Variants in CCDC171 observed in about 807,000 individuals in gnomAD.
CCDC171 encodes coiled-coil domain-containing protein 171.
Under a neutral mutation model 168.2 loss-of-function variants are expected in CCDC171, and 177 were observed. That is an observed-to-expected ratio of 1.05 (90% CI 0.93 to 1.19). The LOEUF is 1.19. Among genes scored for constraint, CCDC171 ranks in the 50% most tolerant of loss-of-function variants. The probability of loss-of-function intolerance (pLI) is 0.00; values close to 1 mark genes in which losing one functional copy is unlikely to be tolerated. For synonymous variants in CCDC171, 687 were observed against 540.8 expected (o/e 1.27, Z -3.75); for missense variants, 1,991 against 1,539.0 (o/e 1.29, Z -4.91).
intron 8 of CCDC171, among the ~76,000 whole-genome samples, chr9:15,663,265 C>T (rs796133624): frequency 6.6e-6 from 1 of 152,146 alleles, no homozygotes; most frequent in African/African-American, 2.4e-5. Context: ...TTCTAAAGCC[C>T]ATTTTCTGTC....
intron 25 of CCDC171, among the ~76,000 whole-genome samples, chr9:15,935,441 C>A (rs2132209501): frequency 6.6e-6 from 1 of 152,146 alleles, no homozygotes; most frequent in Non-Finnish European, 1.5e-5. Context: ...CTTTAAAATT[C>A]TTCAATTGAA....
intron 11 of CCDC171, among the ~76,000 whole-genome samples, chr9:15,720,828 A>C (rs1320657044): frequency 6.6e-6 from 1 of 152,076 alleles, no homozygotes; most frequent in African/African-American, 2.4e-5. Context: ...TCCTAATGCT[A>C]TCCCTCCTCC....
chr9:15,861,319 T>C (rs564331495), intron 23 of CCDC171, among the ~76,000 whole-genome samples: 1 of 151,906 alleles, frequency 6.6e-6, no homozygotes, highest in South Asian at 2.1e-4. Flanking sequence ...AAGTAATTAC[T>C]GATAGGAAAT....
At chr9:15,577,562 A>T (rs377609807) in intron 3 of CCDC171, among the ~76,000 whole-genome samples, 73 of 152,320 alleles carry the variant, frequency 4.8e-4, no homozygotes, top group African/African-American at 1.7e-3. Flanking sequence ...CCAATATTAT[A>T]AACCCATCTT....
intron 21 of CCDC171, among the ~76,000 whole-genome samples, chr9:15,825,345 A>AGG (rs2059967362): frequency 6.6e-6 from 1 of 152,180 alleles, no homozygotes; most frequent in African/African-American, 2.4e-5. Flanking sequence ...GAAGGGAAAT[A>AGG]GGGCTATCAC....
chr9:16,101,804 C>G, the CCDC171 span, among the ~76,000 whole-genome samples: 1 of 152,312 alleles, frequency 6.6e-6, no homozygotes, highest in East Asian at 1.9e-4. Flanking sequence ...CAGGGAACCT[C>G]AGCTCCATGC....
chr9:15,806,428 G>A (rs2059080596), intron 21 of CCDC171, among the ~76,000 whole-genome samples: 1 of 152,126 alleles, frequency 6.6e-6, no homozygotes, highest in African/African-American at 2.4e-5. Flanking sequence ...ACACAGGTCT[G>A]GTGGTAATGA....
In CCDC171 at chr9:15,564,062, G is replaced by T. The variant is rs374853930; in HGVS notation, c.-27G>T. On this transcript the variant is annotated 5_prime_UTR_variant, in exon 2 of 26. Coordinates refer to ENST00000380701, the MANE Select transcript of CCDC171 (RefSeq NM_173550.4). ...GAAATATGTCATTAAGAAATAGCAG[G>T]GTATTTTGAAAGAGTTGGAAAACAT... is the stretch of plus-strand genomic sequence containing the variant. 42 of 1,561,974 alleles carry T rather than the reference G, an allele frequency of 2.7e-5. No homozygotes were observed. Among genetic ancestry groups the T allele is most frequent in the African/African-American group, 1.5e-4 (11 of 73,654 alleles).
chr9:16,027,107 G>A (rs1017400957), intron 6 of CCDC171, among the ~76,000 whole-genome samples: 1 of 152,188 alleles, frequency 6.6e-6, no homozygotes, highest in South Asian at 2.1e-4. Context: ...GTAAACAGAT[G>A]TCCCGGAGTT....
chr9:15,991,397 A>G (rs1372496650), intron 3 of CCDC171, among the ~76,000 whole-genome samples: 2 of 149,454 alleles, frequency 1.3e-5, no homozygotes, highest in Admixed American at 1.3e-4. Flanking sequence ...CAAAGACACA[A>G]CGTACCAGAA....
Position 15,768,543 on chromosome 9 carries a change from C to T in CCDC171, c.2672-9057C>T, listed in dbSNP as rs187016240. ...TCATTTAGCAAAGTGATCATTTGGA[C>T]GAGAGTTATTGAAATAATAAAGAAG... On this transcript the variant is annotated intron_variant, in intron 18 of 25. Coordinates refer to ENST00000380701, the MANE Select transcript of CCDC171 (RefSeq NM_173550.4). 4.3e-4 allele frequency among the ~76,000 whole-genome samples: 65 copies of T among 151,894 alleles called. 1 individual carries two copies. Among genetic ancestry groups the T allele is most frequent in the East Asian group, 2.1e-3 (11 of 5,166 alleles).
chr9:15,692,125 C>A (rs1050710994), intron 10 of CCDC171, among the ~76,000 whole-genome samples: 1 of 152,178 alleles, frequency 6.6e-6, no homozygotes, highest in Non-Finnish European at 1.5e-5. Flanking sequence ...CCTGTAATCT[C>A]AACGCTTTGG....
At chr9:15,982,752 G>A (rs964772559) in intron 3 of CCDC171, among the ~76,000 whole-genome samples, 2 of 151,892 alleles carry the variant, frequency 1.3e-5, no homozygotes, top group African/African-American at 2.4e-5. Context: ...TTCTTAAACC[G>A]ACTCACTTAA....
At chr9:15,928,135 A>G (rs995223431) in intron 25 of CCDC171, among the ~76,000 whole-genome samples, 3 of 151,784 alleles carry the variant, frequency 2.0e-5, no homozygotes, top group African/African-American at 4.8e-5. Flanking sequence ...TGAGACTGCA[A>G]TGTGGAATAA....
chr9:15,652,222 A>C (rs1037263008), intron 7 of CCDC171, among the ~76,000 whole-genome samples: 2 of 152,146 alleles, frequency 1.3e-5, no homozygotes, highest in African/African-American at 4.8e-5. Context: ...ATATGATATG[A>C]GGTATGGGAT....
intron 25 of CCDC171, among the ~76,000 whole-genome samples, chr9:15,951,283 A>G (rs892946128): frequency 6.6e-6 from 1 of 150,488 alleles, no homozygotes; most frequent in Non-Finnish European, 1.5e-5. Context: ...CCTAATAGAC[A>G]TCTACAGAAC....
chr9:16,006,546 G>A (rs1434401813), intron 3 of CCDC171, among the ~76,000 whole-genome samples: 1 of 151,856 alleles, frequency 6.6e-6, no homozygotes, highest in African/African-American at 2.4e-5. Context: ...TCATCATTTA[G>A]CATTAGGTAT....
intron 9 of CCDC171, among the ~76,000 whole-genome samples, chr9:15,667,579 G>C (rs1189198159): frequency 1.3e-5 from 2 of 152,138 alleles, no homozygotes; most frequent in African/African-American, 4.8e-5. Context: ...CCGGGAGGCA[G>C]AGGTTGCAGT....
chr9:15,901,526 A>ATG (rs1821664380), intron 24 of CCDC171, among the ~76,000 whole-genome samples: 1 of 152,232 alleles, frequency 6.6e-6, no homozygotes, highest in Non-Finnish European at 1.5e-5. Context: ...CTATTTAAAA[A>ATG]GTAAATATAC....
Sources: allele counts gnomAD v4.1 joint callset (sites outside exome capture counted in the v4.1 genomes callset), GRCh38; gene constraint gnomAD v4.1.1; transcripts MANE v1.5; gene names NCBI Gene and HGNC (gene_info 2026-07-23, HGNC 2026-07-21).